Variants in GLDC observed in about 807,000 individuals in gnomAD.
The protein encoded by GLDC is glycine dehydrogenase (decarboxylating), mitochondrial.
A neutral mutation model predicts 121.3 loss-of-function variants in GLDC; 104 were observed. That is an observed-to-expected ratio of 0.86 (90% CI 0.73 to 1.01). GLDC has a LOEUF of 1.01. GLDC is among the 50% of genes least tolerant of loss of function. The probability of loss-of-function intolerance (pLI) is 0.00; values close to 1 mark genes in which losing one functional copy is unlikely to be tolerated. For synonymous variants in GLDC, 546 were observed against 480.6 expected (o/e 1.14, Z -1.78); for missense variants, 1,429 against 1,306.6 (o/e 1.09, Z -1.44).
intron 23 of GLDC, among the ~76,000 whole-genome samples, chr9:6,535,000 A>G (rs1817092694): frequency 6.6e-6 from 1 of 152,214 alleles, no homozygotes; most frequent in East Asian, 1.9e-4. Context: ...ACCACCCAGT[A>G]AAGTCTAATG....
At chr9:6,560,392 T>C (rs1334060673) in intron 16 of GLDC, among the ~76,000 whole-genome samples, 1 of 152,262 alleles carries the variant, frequency 6.6e-6, no homozygotes, top group Non-Finnish European at 1.5e-5. Context: ...TGCACTCTTC[T>C]ACTGTCAGAA....
intron 2 of GLDC, among the ~76,000 whole-genome samples, chr9:6,633,964 G>A (rs1318415840): frequency 6.6e-6 from 1 of 150,950 alleles, no homozygotes; most frequent in Non-Finnish European, 1.5e-5. Flanking sequence ...CGAGTAGCTG[G>A]GACTACAGGC....
At chr9:6,543,416 C>T (rs1261585679) in intron 21 of GLDC, among the ~76,000 whole-genome samples, 3 of 151,986 alleles carry the variant, frequency 2.0e-5, no homozygotes, top group African/African-American at 4.8e-5. Flanking sequence ...GCTGGCAGCG[C>T]AAGAGGAGAG....
intron 8 of GLDC, among the ~76,000 whole-genome samples, chr9:6,598,911 T>C (rs1199473821): frequency 6.6e-6 from 1 of 152,300 alleles, no homozygotes; most frequent in East Asian, 1.9e-4. Flanking sequence ...CCGGGCACAA[T>C]GGCTCATGCC....
At position 6,610,185 on chromosome 9, in the gene GLDC, C is replaced by G; in HGVS notation, c.635+7G>C. On this transcript the variant is annotated splice_region_variant and intron_variant, in intron 4 of 24. Transcript: ENST00000321612. ...CTGGAATTCCAGCACTTTGAGAGGC[C>G]TCTCACCTGTAGCACAGCTGCAGTG... 6.2e-7 allele frequency: 1 copy of G among 1,605,524 alleles called. No homozygotes were observed. The highest frequency in any genetic ancestry group is 8.5e-7 in the Non-Finnish European group (1 of 1,175,490).
At chr9:6,627,646 C>A (rs1819273469) in intron 2 of GLDC, among the ~76,000 whole-genome samples, 1 of 152,170 alleles carries the variant, frequency 6.6e-6, no homozygotes, top group Non-Finnish European at 1.5e-5. Context: ...CCTAGTCACG[C>A]TTCTTTCCAT....
chr9:6,556,550 TG>T (rs1323805869), intron 17 of GLDC, among the ~76,000 whole-genome samples: 1 of 152,144 alleles, frequency 6.6e-6, no homozygotes, highest in Non-Finnish European at 1.5e-5. Context: ...CCCGGCACTC[TG>T]GGAGGCCGAG....
intron 2 of GLDC, among the ~76,000 whole-genome samples, chr9:6,630,961 C>T (rs976672977): frequency 1.3e-5 from 2 of 152,194 alleles, no homozygotes; most frequent in Non-Finnish European, 2.9e-5. Flanking sequence ...TTTCACTAGC[C>T]AAGTCAGCTG....
At chr9:6,585,891 TCATCTGTC>T (rs1818261329) in intron 15 of GLDC, among the ~76,000 whole-genome samples, 2 of 111,074 alleles carry the variant, frequency 1.8e-5, no homozygotes, top group South Asian at 2.6e-4. Context: ...TATCTATCTA[TCATCTGTC>T]CATCGGTCCA....
At chr9:6,555,659 G>A (rs922976366) in intron 18 of GLDC, among the ~76,000 whole-genome samples, 14 of 152,092 alleles carry the variant, frequency 9.2e-5, no homozygotes, top group African/African-American at 3.4e-4. Flanking sequence ...GGGTGTGGCA[G>A]CATGCACCTG....
chr9:6,571,989 A>G (rs973420560), intron 15 of GLDC, among the ~76,000 whole-genome samples: 1 of 152,236 alleles, frequency 6.6e-6, no homozygotes, highest in African/African-American at 2.4e-5. Context: ...TGAAACACTT[A>G]GACATCCATA....
intron 11 of GLDC, 37 bp from the exon 12 acceptor site, chr9:6,589,329 G>T: frequency 7.7e-7 from 1 of 1,306,668 alleles, no homozygotes; most frequent in Non-Finnish European, 1.1e-6. Flanking sequence ...GGCCAGAACT[G>T]TGCCTGGAGC....
At chr9:6,542,607 C>T (rs537322123) in intron 21 of GLDC, among the ~76,000 whole-genome samples, 1 of 151,364 alleles carries the variant, frequency 6.6e-6, no homozygotes, top group African/African-American at 2.4e-5. Flanking sequence ...AAAATTCAGC[C>T]GGGCATGGTA....
intron 22 of GLDC, 122 bp downstream of exon 22, chr9:6,539,929 A>T: frequency 1.3e-6 from 1 of 771,460 alleles, no homozygotes; most frequent in Non-Finnish European, 2.4e-6. Context: ...GTTGCCAAGA[A>T]CCCTGAGCTC....
At chr9:6,603,736 C>CTT (rs1215996748) in intron 7 of GLDC, among the ~76,000 whole-genome samples, 12 of 125,008 alleles carry the variant, frequency 9.6e-5, no homozygotes, top group African/African-American at 2.0e-4. Context: ...CCTTTTTTTT[C>CTT]TTTTTTTTTT....
rs772557873 is a variant in GLDC, at chr9:6,533,069, G to T, written c.3011C>A (p.Pro1004His). 8.1e-6 allele frequency: 13 copies of T among 1,611,372 alleles called. No individual in the cohort carries two copies. Among genetic ancestry groups the T allele is most frequent in the South Asian group, 1.1e-5 (1 of 91,036 alleles). Residue 1004 changes from proline to histidine, a missense_variant, in exon 25 of 25, where the codon CCC (proline) becomes CAC (histidine). Coordinates refer to ENST00000321612, the MANE Select transcript of GLDC (RefSeq NM_000170.3). ...AAATGGAGACTCATAAACTTCCATG[G>T]GTGGGCAGGTACAAACCAGGTGCTG... is the stretch of plus-strand genomic sequence containing the variant. The part of the protein sequence containing the change: ...GDQHLVCTCP[P>H]MEVYESPFSE...
At chr9:6,551,935 A>G (rs1462257789) in intron 20 of GLDC, among the ~76,000 whole-genome samples, 2 of 152,184 alleles carry the variant, frequency 1.3e-5, no homozygotes, top group Non-Finnish European at 2.9e-5. Context: ...AAAAATGCAG[A>G]CGGCTTAAGT....
chr9:6,636,505 T>C (rs1819505453), intron 2 of GLDC, among the ~76,000 whole-genome samples: 1 of 152,164 alleles, frequency 6.6e-6, no homozygotes, highest in Non-Finnish European at 1.5e-5. Flanking sequence ...TCGGGCAAGG[T>C]GGCTCACGCC....
At chr9:6,553,919 A>C (rs1817565353) in intron 19 of GLDC, among the ~76,000 whole-genome samples, 1 of 152,190 alleles carries the variant, frequency 6.6e-6, no homozygotes, top group Admixed American at 6.5e-5. Flanking sequence ...CTGACAGCTG[A>C]AGCACTGGAG....
Sources: gnomAD v4.1 joint callset for allele counts (sites outside exome capture counted in the v4.1 genomes callset) on GRCh38, gnomAD v4.1.1 for gene constraint, MANE v1.5 for transcripts, NCBI Gene and HGNC (gene_info 2026-07-23, HGNC 2026-07-21) for gene names.